Variants in FRMD1 observed in about 807,000 individuals in gnomAD.
FRMD1 encodes the protein FERM domain containing 1, also known as FERM domain-containing protein 1.
Under a neutral mutation model 54.9 loss-of-function variants are expected in FRMD1, and 51 were observed. The ratio of observed to expected loss-of-function variants is 0.93; its 90% CI spans 0.74 to 1.17. The LOEUF (loss-of-function observed/expected upper bound fraction) is 1.17. Among genes scored for constraint, FRMD1 ranks in the 50% most tolerant of loss-of-function variants. The probability of loss-of-function intolerance (pLI) is 0.00; values close to 1 mark genes in which losing one functional copy is unlikely to be tolerated. For synonymous variants in FRMD1, 324 were observed against 306.4 expected (o/e 1.06, Z -0.60); for missense variants, 729 against 743.0 (o/e 0.98, Z 0.22).
At chr6:168,081,769 G>C, upstream of FRMD1, 1 of 427,598 alleles carries the variant, frequency 2.3e-6, no homozygotes, top group Non-Finnish European at 4.1e-6. Context: ...CAGCATCTTC[G>C]GGGCCAGGGA....
chr6:168,078,757 AGGCCATCCAGGGCCCTGCTCACCCCCAC>A (rs1286920938), intron 1 of FRMD1, 97 bp downstream of exon 1: 36,288 of 967,010 alleles, frequency 0.038, 926 homozygotes, highest in Middle Eastern at 0.047. Context: ...TTTACTCCCA[AGGCCATCCAGGGCCCTGCTCACCCCCAC>A]GGCCACCCAG....
intron 7 of FRMD1, among the ~76,000 whole-genome samples, chr6:168,062,513 C>T (rs1323387121): frequency 2.6e-5 from 4 of 152,246 alleles, no homozygotes; most frequent in African/African-American, 7.2e-5. Flanking sequence ...CAGGGCCAGG[C>T]ACAAAGCCCG....
intron 4 of FRMD1, chr6:168,065,996 C>G: frequency 1.0e-6 from 1 of 1,000,214 alleles, no homozygotes; most frequent in Non-Finnish European, 1.2e-6. Flanking sequence ...AAGCAGCCCC[C>G]GTTGGTTTAG....
intron 1 of FRMD1, chr6:168,075,863 T>G: frequency 1.4e-6 from 2 of 1,411,762 alleles, no homozygotes; most frequent in Non-Finnish European, 1.9e-6. Context: ...GTGTCCACAT[T>G]TCCGGTGCCC....
At chr6:168,061,453 G>A (rs1799730993) in intron 8 of FRMD1, among the ~76,000 whole-genome samples, 1 of 152,164 alleles carries the variant, frequency 6.6e-6, no homozygotes, top group African/African-American at 2.4e-5. Context: ...GGAACAGGAA[G>A]GGAGACCAGG....
At chr6:168,081,425 G>A (rs1800827061), upstream of FRMD1, 2 of 1,535,530 alleles carry the variant, frequency 1.3e-6, no homozygotes, top group Non-Finnish European at 1.7e-6. Context: ...GGGCCGGGCA[G>A]TGGACGGGCA....
chr6:168,063,893 C>T, intron 5 of FRMD1, 137 bp from the exon 6 acceptor site: 1 of 988,266 alleles, frequency 1.0e-6, no homozygotes, highest in South Asian at 1.8e-5. Flanking sequence ...GGCCTGGCTG[C>T]TGAGCCCAGA....
chr6:168,070,895 C>G (rs2114995839), intron 2 of FRMD1, among the ~76,000 whole-genome samples: 1 of 152,332 alleles, frequency 6.6e-6, no homozygotes, highest in Admixed American at 6.5e-5. Context: ...CTCCCCTGAA[C>G]CCAGCAGGGT....
rs1799322858 is a variant in FRMD1 at position 168,053,409 on chromosome 6, G to C, written c.*3688C>G. Reference sequence around the variant, plus strand: ...TTGGGAGTACATGTCCGCCTCACCAGGTGACCTCTGGCCCTGGCCATCCTG... The same window carrying C: ...TTGGGAGTACATGTCCGCCTCACCACGTGACCTCTGGCCCTGGCCATCCTG... On this transcript the variant is annotated 3_prime_UTR_variant, in exon 11 of 11. Transcript: ENST00000283309. 6.6e-6 allele frequency: 1 copy of C among 152,402 alleles called. No individual in the cohort carries two copies. Among genetic ancestry groups the C allele is most frequent in the Non-Finnish European group, 1.5e-5 (1 of 68,182 alleles). 9.4% of individuals were successfully genotyped at this position (152,402 alleles called of 1,614,324 possible). A position where few individuals can be genotyped will look rare whatever the true frequency, so the allele number is the denominator to read the frequency against.
intron 10 of FRMD1, chr6:168,057,605 G>A: frequency 2.0e-6 from 1 of 509,888 alleles, no homozygotes; most frequent in Non-Finnish European, 3.5e-6. Flanking sequence ...TTAACTCAGT[G>A]GACCTGGACT....
chr6:168,070,694 C>T (rs992221826), intron 2 of FRMD1, among the ~76,000 whole-genome samples: 1 of 152,238 alleles, frequency 6.6e-6, no homozygotes, highest in Admixed American at 6.5e-5. Context: ...CACACACACA[C>T]TATCTGTAGA....
intron 1 of FRMD1, among the ~76,000 whole-genome samples, chr6:168,089,437 T>A (rs1402433428): frequency 6.6e-6 from 1 of 152,184 alleles, no homozygotes; most frequent in Non-Finnish European, 1.5e-5. Context: ...GGACCAGCCT[T>A]GAGAAGGCGC....
chr6:168,061,991 C>CAGGAG lies in FRMD1; in HGVS notation c.871-15_871-11dup, dbSNP rs763359226. ...TCTCCAGCTTCTTTCCCTGAGCAAA[C>CAGGAG]AGGAGAGAAGTTGCCACTCCACAGG... On this transcript the variant is annotated splice_polypyrimidine_tract_variant and intron_variant, in intron 7 of 10. Coordinates refer to ENST00000283309, the MANE Select transcript of FRMD1 (RefSeq NM_024919.6). 31 of 1,586,654 alleles carry CAGGAG rather than the reference C, an allele frequency of 2.0e-5. No homozygotes were observed. In the African/African-American group the frequency reaches 4.0e-4, roughly 21 times the overall value.
chr6:168,054,814 G>C lies in FRMD1; in HGVS notation c.*2283C>G, dbSNP rs1364512023. On this transcript the variant is annotated 3_prime_UTR_variant, in exon 11 of 11. Transcript: ENST00000283309. ...CCCTCCAGGTGTGGGTGACGTGGAA[G>C]GGGGCTGTGGGGAGGGGCGGTGAGC... 1 of 152,322 alleles carries C rather than the reference G, an allele frequency of 6.6e-6. No individual in the cohort carries two copies. Among genetic ancestry groups the C allele is most frequent in the East Asian group, 1.9e-4 (1 of 5,176 alleles). The allele number at this position is 152,322 out of a possible 1,614,324, so 9.4% of individuals were successfully genotyped here.
chr6:168,066,111 G>A (rs1473269569), intron 4 of FRMD1: 1 of 992,704 alleles, frequency 1.0e-6, no homozygotes, highest in Non-Finnish European at 1.2e-6. Context: ...CACGCAGCAA[G>A]CATAGCAGCC....
chr6:168,056,896 A>G lies in FRMD1; in HGVS notation c.*201T>C, dbSNP rs917359527. The G allele has an allele frequency of 2.0e-6, 1 of 506,512 alleles. No individual in the cohort carries two copies. Among genetic ancestry groups the G allele is most frequent in the African/African-American group, 2.0e-5 (1 of 50,116 alleles). The allele number at this position is 506,512 out of a possible 1,614,324, so 31.4% of individuals were successfully genotyped here. A position where few individuals can be genotyped will look rare whatever the true frequency, so the allele number is the denominator to read the frequency against. Reference sequence around the variant, plus strand: ...GCTCCCGGGTGTATGGCAGACAGGCATGAGGTGCGGGACCTGTTTGTTACC... The same window carrying G: ...GCTCCCGGGTGTATGGCAGACAGGCGTGAGGTGCGGGACCTGTTTGTTACC... On this transcript the variant is annotated 3_prime_UTR_variant, in exon 11 of 11. Transcript: ENST00000283309.
rs777187532 is a variant in FRMD1 at position 168,053,817 on chromosome 6, G to C, written c.*3280C>G. ...GAACCACCTCTCCTGTGAGATCCCA[G>C]ACACACAGGCAGTTGCTGGCTGCCC... is the stretch of plus-strand genomic sequence containing the variant. On this transcript the variant is annotated 3_prime_UTR_variant, in exon 11 of 11. Coordinates refer to ENST00000283309, the MANE Select transcript of FRMD1 (RefSeq NM_024919.6). The C allele has an allele frequency of 2.6e-5, 4 of 152,274 alleles. No individual in the cohort carries two copies. The highest frequency in any genetic ancestry group is 5.9e-5 in the Non-Finnish European group (4 of 68,080). The allele number at this position is 152,274 out of a possible 1,614,324, so 9.4% of individuals were successfully genotyped here. A position where few individuals can be genotyped will look rare whatever the true frequency, so the allele number is the denominator to read the frequency against.
In FRMD1 at chr6:168,057,219, C is replaced by A. The variant is rs113328475; in HGVS notation, c.1528G>T (p.Ala510Ser). The change falls in exon 11 of 11, where the codon GCC (alanine) becomes TCC (serine). Residue 510 changes from alanine to serine, a missense_variant. Ala to Ser is a moderately conservative substitution (Grantham distance 99). Coordinates refer to ENST00000283309, the MANE Select transcript of FRMD1 (RefSeq NM_024919.6). ...PTSLSHTFHR[A>S]LDCRLAGPCE... ...GGGCCTGCCAGCCTGCAGTCCAGGG[C>A]GCGGTGGAAGGTATGGCTGAGTGAG... The A allele has an allele frequency of 8.1e-6, 13 of 1,608,332 alleles. No individual in the cohort carries two copies. Among genetic ancestry groups the A allele is most frequent in the Middle Eastern group, 1.7e-4 (1 of 6,050 alleles).
intron 1 of FRMD1, among the ~76,000 whole-genome samples, chr6:168,088,485 C>T (rs1048138622): frequency 1.4e-4 from 21 of 152,228 alleles, no homozygotes; most frequent in African/African-American, 3.9e-4. Flanking sequence ...CTGCCTCCCC[C>T]GGCATCTGAT....
Sources: allele counts gnomAD v4.1 joint callset (sites outside exome capture counted in the v4.1 genomes callset), GRCh38; gene constraint gnomAD v4.1.1; transcripts MANE v1.5; gene names NCBI Gene and HGNC (gene_info 2026-07-23, HGNC 2026-07-21).